NBAS: variants seen among roughly 807,000 people sequenced by gnomAD.
NBAS encodes NBAS subunit of NRZ tethering complex.
Under a neutral mutation model 302.5 loss-of-function variants are expected in NBAS, and 219 were observed. The observed-to-expected ratio is 0.72, with a 90% CI of 0.65 to 0.81. The LOEUF is 0.81. Ranked by LOEUF, NBAS falls within the 30% of genes least tolerant of loss-of-function variation. NBAS has a pLI of 0.00. For synonymous variants in NBAS, 1,118 were observed against 1,021.6 expected, an observed-to-expected ratio of 1.09 and a Z score of -1.80; for missense variants, 2,932 against 2,841.6, an observed-to-expected ratio of 1.03 and a Z score of -0.72.
chr2:15,106,362 A>C, the NBAS span, among the ~76,000 whole-genome samples: 2 of 152,090 alleles, frequency 1.3e-5, no homozygotes, highest in African/African-American at 2.4e-5. Context: ...TCACAGAGTA[A>C]TGTGACAAGT....
chr2:14,835,926 T>A, the NBAS span, among the ~76,000 whole-genome samples: 1 of 152,012 alleles, frequency 6.6e-6, no homozygotes, highest in African/African-American at 2.4e-5. Context: ...TTTACACATC[T>A]ACCAGCATTA....
At chr2:15,435,869 A>G (rs1391051663) in intron 21 of NBAS, among the ~76,000 whole-genome samples, 2 of 152,186 alleles carry the variant, frequency 1.3e-5, no homozygotes, top group Non-Finnish European at 2.9e-5. Flanking sequence ...CCCCACTAAA[A>G]GTAAATATTC....
intron 49 of NBAS, among the ~76,000 whole-genome samples, chr2:15,187,709 G>C (rs1665154548): frequency 6.6e-6 from 1 of 152,006 alleles, no homozygotes; most frequent in Non-Finnish European, 1.5e-5. Context: ...CTTACATTAA[G>C]AAAAAATTAC....
downstream of NBAS, among the ~76,000 whole-genome samples, chr2:15,165,700 G>A (rs1277365838): frequency 6.6e-6 from 1 of 152,144 alleles, no homozygotes; most frequent in African/African-American, 2.4e-5. Context: ...GTGGAGATGA[G>A]GCTGCCCAAT....
chr2:15,215,172 C>T (rs1666598915), intron 48 of NBAS, among the ~76,000 whole-genome samples: 1 of 152,116 alleles, frequency 6.6e-6, no homozygotes, highest in South Asian at 2.1e-4. Context: ...TTTTTCCCTC[C>T]CACCCCAAGC....
chr2:15,009,868 C>G, the NBAS span, among the ~76,000 whole-genome samples: 1 of 151,932 alleles, frequency 6.6e-6, no homozygotes, highest in Admixed American at 6.6e-5. Flanking sequence ...CAACACAGAA[C>G]TAGAACCGCA....
At chr2:15,289,794 G>A (rs1392744361) in intron 41 of NBAS, among the ~76,000 whole-genome samples, 1 of 152,120 alleles carries the variant, frequency 6.6e-6, no homozygotes, top group African/African-American at 2.4e-5. Flanking sequence ...TCAGGAGATT[G>A]AGACCATCCT....
At chr2:15,012,635 AT>A in the NBAS span, among the ~76,000 whole-genome samples, 1 of 152,234 alleles carries the variant, frequency 6.6e-6, no homozygotes, top group Non-Finnish European at 1.5e-5. Context: ...AAGACAAAGC[AT>A]TCTTAAAACA....
chr2:14,908,453 C>T, the NBAS span, among the ~76,000 whole-genome samples: 4 of 152,306 alleles, frequency 2.6e-5, no homozygotes, highest in Non-Finnish European at 4.4e-5. Flanking sequence ...GCCCCAAAAG[C>T]TATATGCAAA....
chr2:14,868,570 T>C, the NBAS span, among the ~76,000 whole-genome samples: 7 of 152,186 alleles, frequency 4.6e-5, no homozygotes, highest in East Asian at 3.8e-4. Context: ...GCAGCCAAGG[T>C]TGTAGGCACG....
the NBAS span, among the ~76,000 whole-genome samples, chr2:14,884,900 G>C: frequency 2.0e-4 from 31 of 152,156 alleles, no homozygotes; most frequent in Non-Finnish European, 4.0e-4. Context: ...AGAGAGTTCA[G>C]ACAGATGAAT....
chr2:15,165,546 A>C (rs1325075315), downstream of NBAS, among the ~76,000 whole-genome samples: 1 of 152,226 alleles, frequency 6.6e-6, no homozygotes, highest in Non-Finnish European at 1.5e-5. Flanking sequence ...CTGCAGCTAC[A>C]TCTAGAGGAG....
At chr2:15,512,173 CA>C (rs543406428) in intron 9 of NBAS, among the ~76,000 whole-genome samples, 275 of 152,094 alleles carry the variant, frequency 1.8e-3, no homozygotes, top group African/African-American at 6.4e-3. Flanking sequence ...ATTGAAAAGT[CA>C]AAAAAACATA....
At chr2:15,318,403 A>T (rs1320118536) in intron 38 of NBAS, among the ~76,000 whole-genome samples, 5 of 152,174 alleles carry the variant, frequency 3.3e-5, no homozygotes, top group Non-Finnish European at 7.4e-5. Flanking sequence ...AACAATATTA[A>T]CCTAAATATA....
chr2:14,788,744 G>C, the NBAS span, among the ~76,000 whole-genome samples: 1 of 152,176 alleles, frequency 6.6e-6, no homozygotes, highest in African/African-American at 2.4e-5. Flanking sequence ...CCCCTACTGG[G>C]GGGTGCCTCC....
At position 15,449,087 on chromosome 2, in the gene NBAS, T is replaced by G. The variant is rs114929357; in HGVS notation, c.2339+12114A>C. On this transcript the variant is annotated intron_variant, in intron 21 of 51. Coordinates refer to ENST00000281513, the MANE Select transcript of NBAS (RefSeq NM_015909.4). ...TATCTGAGTCTAGTAATAGCATCCT[T>G]CTTTTTAAGAGAACACATTAGTTTA... 1.0e-2 allele frequency among the ~76,000 whole-genome samples: 1,521 copies of G among 152,282 alleles called. 25 individuals carry two copies. The highest frequency in any genetic ancestry group is 0.033 in the African/African-American group (1,390 of 41,552).
At chr2:15,287,592 C>T (rs1670104858) in intron 41 of NBAS, among the ~76,000 whole-genome samples, 1 of 152,050 alleles carries the variant, frequency 6.6e-6, no homozygotes, top group Non-Finnish European at 1.5e-5. Context: ...GGCAGCCCTG[C>T]GTGGGCATCT....
intron 48 of NBAS, among the ~76,000 whole-genome samples, chr2:15,195,635 GTC>G (rs995027414): frequency 2.0e-5 from 3 of 152,130 alleles, no homozygotes; most frequent in African/African-American, 7.2e-5. Flanking sequence ...TTGTTAAAAT[GTC>G]TCTCTAAAAT....
Position 15,468,474 on chromosome 2 carries a change from A to G in NBAS, c.1785T>C (p.Asn595=). The change falls in exon 17 of 52, where the codon AAT becomes AAC. Residue 595 remains asparagine, a synonymous_variant. Coordinates refer to ENST00000281513, the MANE Select transcript of NBAS (RefSeq NM_015909.4). ...GAAGCAGTTCTTTTGCAGCATCCAC[A>G]TTTTCAGGAACTCTTTCCAAACACT... ...LHECLERVPE[N]VDAAKELLQY... is the part of the protein sequence containing the mutation. 3 of 1,613,966 alleles carry G rather than the reference A, an allele frequency of 1.9e-6. No individual in the cohort carries two copies. The South Asian group carries it at 3.3e-5, about 18-fold the overall frequency.
Sources: gnomAD v4.1 joint callset for allele counts (sites outside exome capture counted in the v4.1 genomes callset) on GRCh38, gnomAD v4.1.1 for gene constraint, MANE v1.5 for transcripts, NCBI Gene and HGNC (gene_info 2026-07-23, HGNC 2026-07-21) for gene names.